The following AMOTL2 variants were observed in gnomAD, a reference collection of about 807,000 sequenced individuals.
AMOTL2 encodes the protein angiomotin like 2, also known as angiomotin-like protein 2.
A neutral mutation model predicts 78.4 loss-of-function variants in AMOTL2; 33 were observed. The ratio of observed to expected loss-of-function variants is 0.42; its 90% CI spans 0.32 to 0.56. The LOEUF (loss-of-function observed/expected upper bound fraction) is 0.56, where lower values mean the gene tolerates loss of function less well. Among genes scored for constraint, AMOTL2 ranks in the 20% least tolerant of loss-of-function variants. The probability of loss-of-function intolerance (pLI) is 0.12; values close to 1 mark genes in which losing one functional copy is unlikely to be tolerated. For missense variants in AMOTL2, 983 were observed against 1,030.1 expected, an observed-to-expected ratio of 0.95 and a Z score of 0.63; for synonymous variants, 422 against 428.8, an observed-to-expected ratio of 0.98 and a Z score of 0.20.
Position 134,370,873 on chromosome 3 carries a change from C to CAGCTGTGGGA in AMOTL2, c.551_560dup (p.Ala188ProfsTer18). On this transcript the variant is annotated frameshift_variant, in exon 2 of 10. Coordinates refer to ENST00000249883, the MANE Select transcript of AMOTL2 (RefSeq NM_016201.4). LOFTEE classifies it high-confidence loss of function. ...GTGGGGGGCCCTGCTGGTTGCGGGC[C>CAGCTGTGGGA]AGCTGTGGGAAGCTGTGGGAGGAGC... 1 of 1,608,914 alleles carries CAGCTGTGGGA rather than the reference C, an allele frequency of 6.2e-7. No individual in the cohort carries two copies. The highest frequency in any genetic ancestry group is 8.5e-7 in the Non-Finnish European group (1 of 1,176,672).
rs562432103 is a variant in AMOTL2, at chr3:134,372,621, C to T, written c.-61-1127G>A. ...CCTCTAGGCACATAAGGGATGGGCA[C>T]TCAGCATCTTTCTTGACATCAGTGT... On this transcript the variant is annotated intron_variant, in intron 1 of 9. Coordinates refer to ENST00000249883, the MANE Select transcript of AMOTL2 (RefSeq NM_016201.4). Among the ~76,000 whole-genome samples, 36 of 151,886 alleles carry T rather than the reference C, an allele frequency of 2.4e-4. No homozygotes were observed. In the South Asian group the frequency reaches 6.9e-3, roughly 29 times the overall value.
rs181983530 is a variant in AMOTL2, at chr3:134,355,966, T to C, written c.*1739A>G. ...ACAGGGTGGCATAACAAAACAGCCA[T>C]GTTTACATTTTAAATATTTACGATA... is the stretch of plus-strand genomic sequence containing the variant. On this transcript the variant is annotated 3_prime_UTR_variant, in exon 10 of 10. Transcript: ENST00000249883. 6.5e-6 allele frequency: 1 copy of C among 152,802 alleles called. No homozygotes were observed. The highest frequency in any genetic ancestry group is 1.5e-5 in the Non-Finnish European group (1 of 68,046). The allele number at this position is 152,802 out of a possible 1,614,324, so 9.5% of individuals were successfully genotyped here.
Position 134,357,626 on chromosome 3 carries a change from G to T in AMOTL2, c.*79C>A. The T allele has an allele frequency of 7.1e-7, 1 of 1,411,076 alleles. No homozygotes were observed. The highest frequency in any genetic ancestry group is 1.2e-5 in the South Asian group (1 of 86,922). The allele number at this position is 1,411,076 out of a possible 1,614,324, so 87.4% of individuals were successfully genotyped here. ...GGAAAGGGACGGAGCAGCGGTTGAC[G>T]GGGCTGCTGAAATGGCTGAGAGTGG... is the stretch of plus-strand genomic sequence containing the variant. On this transcript the variant is annotated 3_prime_UTR_variant, in exon 10 of 10. Coordinates refer to ENST00000249883, the MANE Select transcript of AMOTL2 (RefSeq NM_016201.4).
upstream of AMOTL2, chr3:134,375,291 G>C: frequency 6.6e-7 from 1 of 1,509,888 alleles, no homozygotes; most frequent in Non-Finnish European, 8.9e-7. Context: ...CTGGCTTTTC[G>C]CCCAGTCATC....
At chr3:134,361,354 G>C (rs930580082) in intron 6 of AMOTL2, among the ~76,000 whole-genome samples, 158 bp downstream of exon 6, 2 of 152,232 alleles carry the variant, frequency 1.3e-5, no homozygotes, top group African/African-American at 4.8e-5. Context: ...GTGGAGCAGA[G>C]AGCAATCATC....
Sources: allele counts gnomAD v4.1 joint callset (sites outside exome capture counted in the v4.1 genomes callset), GRCh38; gene constraint gnomAD v4.1.1; transcripts MANE v1.5; gene names NCBI Gene and HGNC (gene_info 2026-07-23, HGNC 2026-07-21).